Variants in PACRG observed in about 807,000 individuals in gnomAD.
PACRG encodes the protein parkin coregulated, also known as parkin coregulated gene protein.
In PACRG, 29 loss-of-function variants were observed where a neutral mutation model predicts 29.7. The ratio of observed to expected loss-of-function variants is 0.98; its 90% CI spans 0.73 to 1.33. PACRG has a LOEUF of 1.33. Ranked by LOEUF, PACRG falls within the 40% of genes most tolerant of loss-of-function variation. PACRG has a pLI of 0.00. For synonymous variants in PACRG, 116 were observed against 118.7 expected, an observed-to-expected ratio of 0.98 and a Z score of 0.15; for missense variants, 279 against 316.2, an observed-to-expected ratio of 0.88 and a Z score of 0.89.
At chr6:162,837,920 AAAAT>A (rs1261819779) in intron 2 of PACRG, among the ~76,000 whole-genome samples, 3 of 152,166 alleles carry the variant, frequency 2.0e-5, no homozygotes, top group African/African-American at 7.2e-5. Flanking sequence ...GGTGATTTTG[AAAAT>A]AAATACAAAG....
At chr6:163,049,513 C>T (rs1809765048) in intron 2 of PACRG, among the ~76,000 whole-genome samples, 1 of 151,940 alleles carries the variant, frequency 6.6e-6, no homozygotes, top group African/African-American at 2.4e-5. Flanking sequence ...AATTCAAAAA[C>T]ATTTTTAAAT....
At chr6:162,947,176 A>G (rs1799077014) in intron 2 of PACRG, among the ~76,000 whole-genome samples, 9 of 150,408 alleles carry the variant, frequency 6.0e-5, no homozygotes. Context: ...AAGCCAAATC[A>G]TCCCTCTTTC....
At chr6:162,924,792 G>A (rs1280552250) in intron 2 of PACRG, among the ~76,000 whole-genome samples, 1 of 152,032 alleles carries the variant, frequency 6.6e-6, no homozygotes, top group Non-Finnish European at 1.5e-5. Flanking sequence ...AAAGCTAGCA[G>A]AAGACAAGAA....
At chr6:162,972,155 TCAAGA>T (rs1463817901) in intron 2 of PACRG, among the ~76,000 whole-genome samples, 3 of 152,202 alleles carry the variant, frequency 2.0e-5, no homozygotes, top group Non-Finnish European at 4.4e-5. Flanking sequence ...TCTCAAATCT[TCAAGA>T]CCTGGCTTCC....
At chr6:163,039,103 A>G (rs1241141396) in intron 2 of PACRG, among the ~76,000 whole-genome samples, 2 of 152,172 alleles carry the variant, frequency 1.3e-5, no homozygotes, top group East Asian at 1.9e-4. Flanking sequence ...ACCCCGTGCT[A>G]TTCTCATAAT....
At chr6:163,307,713 T>G (rs1785240350) in intron 4 of PACRG, among the ~76,000 whole-genome samples, 1 of 152,072 alleles carries the variant, frequency 6.6e-6, no homozygotes, top group Non-Finnish European at 1.5e-5. Context: ...AAAAGTTGAG[T>G]CCCCTCAAAG....
At chr6:162,789,442 G>T (rs1298994023) in intron 1 of PACRG, among the ~76,000 whole-genome samples, 1 of 151,856 alleles carries the variant, frequency 6.6e-6, no homozygotes, top group East Asian at 1.9e-4. Flanking sequence ...ACTTTTATAG[G>T]GAACTAACAA....
intron 2 of PACRG, among the ~76,000 whole-genome samples, chr6:163,007,522 C>G (rs1003024196): frequency 2.0e-5 from 3 of 151,834 alleles, no homozygotes; most frequent in Non-Finnish European, 4.4e-5. Flanking sequence ...AGTGAGACAC[C>G]CTACTCTGTC....
intron 2 of PACRG, among the ~76,000 whole-genome samples, chr6:162,882,948 A>G (rs1794023928): frequency 6.6e-6 from 1 of 152,210 alleles, no homozygotes; most frequent in African/African-American, 2.4e-5. Flanking sequence ...TTAGCAAACA[A>G]TGGAAACCCT....
intron 2 of PACRG, among the ~76,000 whole-genome samples, chr6:162,915,590 T>G (rs55800634): frequency 4.5e-4 from 69 of 152,186 alleles, no homozygotes; most frequent in African/African-American, 1.3e-3. Flanking sequence ...TACCATGTTT[T>G]TGTTGCTCTG....
At chr6:162,826,900 T>G (rs1469552384) in intron 2 of PACRG, among the ~76,000 whole-genome samples, 11 of 152,224 alleles carry the variant, frequency 7.2e-5, no homozygotes, top group Non-Finnish European at 7.3e-5. Flanking sequence ...ATCTTTCAAA[T>G]GCTTTCCATT....
chr6:162,927,208 T>C (rs1219137325), intron 2 of PACRG, among the ~76,000 whole-genome samples: 1 of 152,144 alleles, frequency 6.6e-6, no homozygotes, highest in Non-Finnish European at 1.5e-5. Context: ...TTGGTGGGAA[T>C]GTAAATTAGT....
chr6:163,041,688 G>C (rs1241240479), intron 2 of PACRG, among the ~76,000 whole-genome samples: 1 of 152,122 alleles, frequency 6.6e-6, no homozygotes, highest in African/African-American at 2.4e-5. Flanking sequence ...CATGTTCATT[G>C]TGCAATGAAA....
chr6:163,049,677 T>G (rs1809789250), intron 2 of PACRG, among the ~76,000 whole-genome samples: 4 of 151,976 alleles, frequency 2.6e-5, no homozygotes, highest in Admixed American at 2.6e-4. Context: ...ACAAATGACC[T>G]TCAAAAATAG....
At chr6:163,306,884 G>A (rs767647922) in intron 4 of PACRG, among the ~76,000 whole-genome samples, 5 of 152,190 alleles carry the variant, frequency 3.3e-5, no homozygotes, top group Admixed American at 2.0e-4. Flanking sequence ...ATAGAAACCA[G>A]AGAGCATCCA....
intron 1 of PACRG, among the ~76,000 whole-genome samples, chr6:162,767,519 T>C (rs1217452945): frequency 1.1e-5 from 1 of 89,498 alleles, no homozygotes; most frequent in Non-Finnish European, 2.0e-5. Context: ...TATTTTCATA[T>C]CCTTAGGTGT....
intron 2 of PACRG, among the ~76,000 whole-genome samples, chr6:163,022,164 C>A (rs1238969329): frequency 1.3e-5 from 2 of 152,174 alleles, no homozygotes; most frequent in African/African-American, 4.8e-5. Context: ...AACCCACTGA[C>A]TCATTTCTAC....
At chr6:163,239,601 GGGCACA>G (rs1044015000) in intron 4 of PACRG, among the ~76,000 whole-genome samples, 3 of 151,726 alleles carry the variant, frequency 2.0e-5, no homozygotes, top group African/African-American at 7.3e-5. Context: ...CTGATGGTGT[GGGCACA>G]GCTGGCTGTT....
intron 4 of PACRG, among the ~76,000 whole-genome samples, chr6:163,240,224 T>C (rs1401382436): frequency 6.7e-6 from 1 of 149,412 alleles, no homozygotes. Flanking sequence ...ACGCCTGGCC[T>C]TGGAGAGAGA....
Sources: gnomAD v4.1 joint callset for allele counts (sites outside exome capture counted in the v4.1 genomes callset) on GRCh38, gnomAD v4.1.1 for gene constraint, MANE v1.5 for transcripts, NCBI Gene and HGNC (gene_info 2026-07-23, HGNC 2026-07-21) for gene names.